CDH13: variants seen among roughly 807,000 people sequenced by gnomAD.
CDH13 encodes cadherin-13.
Under a neutral mutation model 63.8 loss-of-function variants are expected in CDH13, and 24 were observed. The observed-to-expected ratio is 0.38, with a 90% CI of 0.27 to 0.53. The LOEUF (loss-of-function observed/expected upper bound fraction) is 0.53. Ranked by LOEUF, CDH13 falls within the 20% of genes least tolerant of loss-of-function variation. CDH13 has a pLI of 0.85. For missense variants in CDH13, 1,049 were observed against 903.1 expected, an observed-to-expected ratio of 1.16 and a Z score of -2.07; for synonymous variants, 503 against 355.3, an observed-to-expected ratio of 1.42 and a Z score of -4.67.
chr16:83,205,329 G>A (rs2039151140), intron 4 of CDH13, among the ~76,000 whole-genome samples: 1 of 152,070 alleles, frequency 6.6e-6, no homozygotes. Context: ...TAAAATTATG[G>A]TACTGATTGG....
rs1390373568 is a variant in CDH13, at chr16:83,443,718, AAAAAAAAAAAAAAAAAAATATATAT to A, written c.782-42757_782-42733del. Among the ~76,000 whole-genome samples, 101 of 95,542 alleles carry A rather than the reference AAAAAAAAAAAAAAAAAAATATATAT, an allele frequency of 1.1e-3. 1 individual carries two copies. Among genetic ancestry groups the A allele is most frequent in the East Asian group, 5.3e-3 (18 of 3,416 alleles). 62.7% of individuals were successfully genotyped at this position (95,542 alleles called of 152,430 possible). On this transcript the variant is annotated intron_variant, in intron 6 of 13. Coordinates refer to ENST00000567109, the MANE Select transcript of CDH13 (RefSeq NM_001257.5). ...CGAAGTCCCTACGAAAAAAAAAAAA[AAAAAAAAAAAAAAAAAAATATATAT>A]ATATATATATATATATATATGGAGA...
At chr16:82,709,274 A>G (rs1004845142) in intron 1 of CDH13, among the ~76,000 whole-genome samples, 1 of 152,226 alleles carries the variant, frequency 6.6e-6, no homozygotes, top group African/African-American at 2.4e-5. Context: ...CCCAGGAACC[A>G]AGAAAAAGAA....
At chr16:83,098,227 A>G (rs1597331132) in intron 3 of CDH13, among the ~76,000 whole-genome samples, 1 of 152,236 alleles carries the variant, frequency 6.6e-6, no homozygotes, top group Non-Finnish European at 1.5e-5. Context: ...TTCGTGTTAA[A>G]TAATATTATA....
intron 1 of CDH13, among the ~76,000 whole-genome samples, chr16:82,833,656 A>G (rs2038641737): frequency 6.6e-6 from 1 of 152,200 alleles, no homozygotes; most frequent in African/African-American, 2.4e-5. Flanking sequence ...TGTCCAGGTA[A>G]TAGCCTAATG....
intron 1 of CDH13, among the ~76,000 whole-genome samples, chr16:82,804,881 C>G (rs12935328): frequency 0.11 from 17,295 of 152,158 alleles, 1,251 homozygotes; most frequent in Middle Eastern, 0.17. Flanking sequence ...AAAGAATGTT[C>G]AAATTCCCTC....
chr16:83,380,722 T>G (rs2091549749), intron 6 of CDH13, among the ~76,000 whole-genome samples: 1 of 152,122 alleles, frequency 6.6e-6, no homozygotes, highest in South Asian at 2.1e-4. Flanking sequence ...GTACCCTCCC[T>G]TCCCAAAATT....
chr16:83,514,343 A>T (rs1194644817), intron 7 of CDH13, among the ~76,000 whole-genome samples: 2 of 152,182 alleles, frequency 1.3e-5, no homozygotes, highest in Non-Finnish European at 2.9e-5. Flanking sequence ...GCCTTGGAGT[A>T]TCCTCATAAG....
intron 1 of CDH13, among the ~76,000 whole-genome samples, chr16:82,704,627 G>A (rs992601169): frequency 6.6e-6 from 1 of 152,290 alleles, no homozygotes; most frequent in East Asian, 1.9e-4. Flanking sequence ...AGGCACACCT[G>A]GGGTCCTTTT....
intron 6 of CDH13, among the ~76,000 whole-genome samples, chr16:83,475,496 A>T (rs1433818971): frequency 6.6e-6 from 1 of 152,194 alleles, no homozygotes; most frequent in East Asian, 1.9e-4. Context: ...TGAGAAATTA[A>T]CTTTATGTGC....
At chr16:83,462,473 A>C (rs564571466) in intron 6 of CDH13, among the ~76,000 whole-genome samples, 2 of 152,344 alleles carry the variant, frequency 1.3e-5, no homozygotes, top group South Asian at 4.1e-4. Context: ...AATTAGAGGC[A>C]AGGTGCAGTG....
intron 2 of CDH13, among the ~76,000 whole-genome samples, chr16:82,973,998 C>T (rs1909146995): frequency 6.6e-6 from 1 of 152,192 alleles, no homozygotes; most frequent in East Asian, 1.9e-4. Context: ...TAGCTCACTG[C>T]AACCTCTGCC....
At chr16:83,445,440 C>T (rs894657119) in intron 6 of CDH13, among the ~76,000 whole-genome samples, 23 of 152,114 alleles carry the variant, frequency 1.5e-4, no homozygotes, top group African/African-American at 5.3e-4. Context: ...TCACACTTGG[C>T]CTCAATTTCC....
chr16:82,809,108 G>T (rs1426517793), intron 1 of CDH13, among the ~76,000 whole-genome samples: 2 of 151,858 alleles, frequency 1.3e-5, no homozygotes, highest in African/African-American at 4.8e-5. Flanking sequence ...ATTTTTCTAA[G>T]ATCCTGCCAA....
At chr16:83,700,422 C>A (rs971652900) in intron 10 of CDH13, among the ~76,000 whole-genome samples, 4 of 152,114 alleles carry the variant, frequency 2.6e-5, no homozygotes, top group African/African-American at 7.2e-5. Flanking sequence ...ATTTTTCTCC[C>A]GATTAAAAAT....
At chr16:82,696,879 G>A (rs890012970) in intron 1 of CDH13, among the ~76,000 whole-genome samples, 6 of 152,144 alleles carry the variant, frequency 3.9e-5, no homozygotes, top group Non-Finnish European at 8.8e-5. Context: ...GGCTTGACTG[G>A]GGCTGGAAGA....
intron 4 of CDH13, among the ~76,000 whole-genome samples, chr16:83,187,340 C>A (rs534570166): frequency 6.6e-6 from 1 of 152,254 alleles, no homozygotes; most frequent in Non-Finnish European, 1.5e-5. Flanking sequence ...TATTAGAGCA[C>A]CTTCATGAGC....
intron 5 of CDH13, among the ~76,000 whole-genome samples, chr16:83,222,955 C>A (rs1597547117): frequency 6.6e-6 from 1 of 152,004 alleles, no homozygotes; most frequent in East Asian, 1.9e-4. Flanking sequence ...GGCTTAGCAG[C>A]ACCAATGGCC....
intron 7 of CDH13, among the ~76,000 whole-genome samples, chr16:83,529,220 G>A (rs2075029169): frequency 6.6e-6 from 1 of 151,854 alleles, no homozygotes; most frequent in African/African-American, 2.4e-5. Context: ...GTCAGACTCT[G>A]AAGTCCAGTG....
chr16:83,562,059 C>G (rs1436386129), intron 7 of CDH13, among the ~76,000 whole-genome samples: 1 of 152,188 alleles, frequency 6.6e-6, no homozygotes, highest in Admixed American at 6.5e-5. Flanking sequence ...CCTTGGAGAG[C>G]TCATGGTGAT....
Sources: gnomAD v4.1 joint callset for allele counts (sites outside exome capture counted in the v4.1 genomes callset) on GRCh38, gnomAD v4.1.1 for gene constraint, MANE v1.5 for transcripts, NCBI Gene and HGNC (gene_info 2026-07-23, HGNC 2026-07-21) for gene names.